FAF1: variants seen among roughly 807,000 people sequenced by gnomAD.
FAF1 encodes FAS-associated factor 1.
FAF1 carries 25 observed loss-of-function variants against 92.5 expected under a neutral mutation model. The observed-to-expected ratio is 0.27, with a 90% CI of 0.20 to 0.38. FAF1 has a LOEUF of 0.38. Ranked by LOEUF, FAF1 falls within the 10% of genes least tolerant of loss-of-function variation. FAF1 has a pLI of 1.00. For synonymous variants in FAF1, 234 were observed against 273.2 expected, an observed-to-expected ratio of 0.86 and a Z score of 1.42; for missense variants, 636 against 793.3, an observed-to-expected ratio of 0.80 and a Z score of 2.38.
At chr1:50,794,621 T>C (rs1207287915) in intron 3 of FAF1, among the ~76,000 whole-genome samples, 1 of 152,130 alleles carries the variant, frequency 6.6e-6, no homozygotes, top group Non-Finnish European at 1.5e-5. Flanking sequence ...TAAACATATT[T>C]GGTTTTGTTT....
At chr1:50,886,126 T>C (rs1644661574) in intron 1 of FAF1, among the ~76,000 whole-genome samples, 1 of 152,202 alleles carries the variant, frequency 6.6e-6, no homozygotes, top group South Asian at 2.1e-4. Context: ...ACCAAAGTTA[T>C]AGTATTATAT....
chr1:50,563,391 C>T (rs946487900), intron 13 of FAF1, among the ~76,000 whole-genome samples: 1 of 151,616 alleles, frequency 6.6e-6, no homozygotes, highest in African/African-American at 2.4e-5. Flanking sequence ...TGATTACACA[C>T]TCCAGCCAGG....
chr1:50,743,818 A>T (rs1659483753), intron 5 of FAF1, among the ~76,000 whole-genome samples: 1 of 152,032 alleles, frequency 6.6e-6, no homozygotes, highest in Non-Finnish European at 1.5e-5. Context: ...CACACCTATA[A>T]TCCCAGCACT....
Position 50,584,668 on chromosome 1 carries a change from G to A in FAF1, c.967+17C>T. 1.2e-6 allele frequency: 2 copies of A among 1,609,308 alleles called. No individual in the cohort carries two copies. Among genetic ancestry groups the A allele is most frequent in the East Asian group, 2.2e-5 (1 of 44,786 alleles). ...AAAGAATTCTATTGCTGGACCCAAA[G>A]AGCTATTAATACTCACTCATTGGAG... On this transcript the variant is annotated intron_variant, in intron 10 of 18. Coordinates refer to ENST00000396153, the MANE Select transcript of FAF1 (RefSeq NM_007051.3).
intron 7 of FAF1, among the ~76,000 whole-genome samples, chr1:50,656,293 C>G (rs1465670629): frequency 1.3e-5 from 2 of 150,906 alleles, no homozygotes; most frequent in African/African-American, 4.9e-5. Flanking sequence ...GATCATGCCA[C>G]TGCACTCCAG....
chr1:50,687,704 G>A (rs532710518), intron 7 of FAF1, among the ~76,000 whole-genome samples: 39 of 150,480 alleles, frequency 2.6e-4, no homozygotes, highest in African/African-American at 8.3e-4. Flanking sequence ...AGCCAAGATC[G>A]CACTCCAGCC....
chr1:50,444,337 T>C (rs560124981), intron 18 of FAF1, among the ~76,000 whole-genome samples: 1 of 152,274 alleles, frequency 6.6e-6, no homozygotes, highest in Admixed American at 6.5e-5. Context: ...GAATGGGAGA[T>C]ATCTCCCTGG....
intron 5 of FAF1, among the ~76,000 whole-genome samples, chr1:50,742,397 C>T (rs182326655): frequency 2.0e-4 from 27 of 133,552 alleles, no homozygotes; most frequent in Non-Finnish European, 3.6e-4. Context: ...GGGGGTGTGG[C>T]GGGGGAGAGA....
chr1:50,639,480 T>C (rs1187484660), intron 8 of FAF1, among the ~76,000 whole-genome samples: 4 of 152,220 alleles, frequency 2.6e-5, no homozygotes, highest in Admixed American at 6.5e-5. Flanking sequence ...CCTGATTGTA[T>C]ATGTTTTCTT....
chr1:50,539,656 C>T lies in FAF1; in HGVS notation c.1341G>A (p.Gln447=). 1.2e-6 allele frequency: 2 copies of T among 1,612,086 alleles called. No individual in the cohort carries two copies. Among genetic ancestry groups the T allele is most frequent in the Non-Finnish European group, 8.5e-7 (1 of 1,178,422 alleles). Residue 447 remains glutamine, a synonymous_variant, in exon 14 of 19, where the codon CAG becomes CAA. Transcript: ENST00000396153. Reference sequence around the variant, plus strand: ...CCATAATAATCAGGAAAAGCGGAAACTGATCCGTTTTTTGAGTCCGAATGG... The same window carrying T: ...CCATAATAATCAGGAAAAGCGGAAATTGATCCGTTTTTTGAGTCCGAATGG... The part of the protein sequence containing the change: ...AQTIRTQKTD[Q]FPLFLIIMGK...
At chr1:50,807,794 T>C (rs560459977) in intron 2 of FAF1, among the ~76,000 whole-genome samples, 7 of 152,330 alleles carry the variant, frequency 4.6e-5, no homozygotes, top group East Asian at 1.9e-4. Context: ...CTACATCTCA[T>C]TGGCATCCCT....
At chr1:50,582,506 G>C (rs1209368973) in intron 12 of FAF1, 112 bp downstream of exon 12, 6 of 705,698 alleles carry the variant, frequency 8.5e-6, no homozygotes, top group Non-Finnish European at 1.3e-5. Flanking sequence ...AGAGTTCCAT[G>C]TTTTTGGAAA....
At chr1:50,566,387 C>A (rs560878275) in intron 13 of FAF1, among the ~76,000 whole-genome samples, 1 of 152,152 alleles carries the variant, frequency 6.6e-6, no homozygotes, top group South Asian at 2.1e-4. Flanking sequence ...TTAACACACC[C>A]AAAGTAGCAT....
At chr1:50,848,950 A>G (rs1644325542) in intron 2 of FAF1, among the ~76,000 whole-genome samples, 1 of 152,222 alleles carries the variant, frequency 6.6e-6, no homozygotes, top group Admixed American at 6.5e-5. Flanking sequence ...AGATAAGGTC[A>G]GTAGTTTAGT....
chr1:50,547,666 G>A (rs894294631), intron 13 of FAF1, among the ~76,000 whole-genome samples: 1 of 151,754 alleles, frequency 6.6e-6, no homozygotes, highest in African/African-American at 2.4e-5. Context: ...CACCTGCCTC[G>A]GCCTCCCAAA....
chr1:50,944,087 C>A (rs1178977293), intron 1 of FAF1, among the ~76,000 whole-genome samples: 2 of 152,114 alleles, frequency 1.3e-5, no homozygotes, highest in Non-Finnish European at 2.9e-5. Context: ...CAAAATCTAC[C>A]CCACAGAATC....
intron 1 of FAF1, among the ~76,000 whole-genome samples, chr1:50,928,031 T>G (rs1230061481): frequency 1.3e-5 from 2 of 152,242 alleles, no homozygotes; most frequent in East Asian, 3.9e-4. Flanking sequence ...AATTTTCATT[T>G]GCTTCAGTTA....
At chr1:50,846,409 CG>C in intron 2 of FAF1, 1 of 378,934 alleles carries the variant, frequency 2.6e-6, no homozygotes. Flanking sequence ...CCTGCCATCC[CG>C]CCCCTTCGCG....
intron 2 of FAF1, among the ~76,000 whole-genome samples, chr1:50,839,774 C>T (rs889547006): frequency 6.6e-6 from 1 of 152,056 alleles, no homozygotes; most frequent in African/African-American, 2.4e-5. Context: ...CATTACAAAT[C>T]ACATTCTACT....
Sources: allele counts gnomAD v4.1 joint callset (sites outside exome capture counted in the v4.1 genomes callset), GRCh38; gene constraint gnomAD v4.1.1; transcripts MANE v1.5; gene names NCBI Gene and HGNC (gene_info 2026-07-23, HGNC 2026-07-21).